The following STK38L variants were observed in gnomAD, a reference collection of about 807,000 sequenced individuals.
STK38L encodes serine/threonine-protein kinase 38-like.
A neutral mutation model predicts 59.7 loss-of-function variants in STK38L; 28 were observed. That is an observed-to-expected ratio of 0.47 (90% CI 0.35 to 0.64). The LOEUF (loss-of-function observed/expected upper bound fraction) is 0.64. Among genes scored for constraint, STK38L ranks in the 30% least tolerant of loss-of-function variants. The pLI is 0.01. For missense variants in STK38L, 314 were observed against 555.8 expected (o/e 0.56, Z 4.37); for synonymous variants, 162 against 176.8 (o/e 0.92, Z 0.66).
chr12:27,289,233 A>G (rs1190762077), intron 1 of STK38L, among the ~76,000 whole-genome samples: 1 of 152,202 alleles, frequency 6.6e-6, no homozygotes, highest in Non-Finnish European at 1.5e-5. Flanking sequence ...AGACAGGGTG[A>G]TAGTTTATCT....
intron 3 of STK38L, among the ~76,000 whole-genome samples, chr12:27,306,665 C>T (rs1046158279): frequency 4.7e-5 from 7 of 150,024 alleles, no homozygotes; most frequent in African/African-American, 1.7e-4. Context: ...AGTAGCTTCC[C>T]TTAAAGAAAG....
chr12:27,258,269 T>C (rs966002063), intron 1 of STK38L, among the ~76,000 whole-genome samples: 1 of 152,256 alleles, frequency 6.6e-6, no homozygotes, highest in South Asian at 2.1e-4. Flanking sequence ...GTTCTCGAAC[T>C]CCTGAGCTTA....
intron 1 of STK38L, among the ~76,000 whole-genome samples, chr12:27,264,907 A>G (rs1157832160): frequency 6.6e-6 from 1 of 152,242 alleles, no homozygotes; most frequent in Non-Finnish European, 1.5e-5. Context: ...CTGTTGGATG[A>G]CAAAAACATA....
chr12:27,256,634 A>G (rs1474044993), intron 1 of STK38L, among the ~76,000 whole-genome samples: 2 of 152,220 alleles, frequency 1.3e-5, no homozygotes, highest in African/African-American at 4.8e-5. Flanking sequence ...GGCATTTACT[A>G]TATGTCAAAA....
chr12:27,248,038 C>T (rs1422672061), intron 1 of STK38L, among the ~76,000 whole-genome samples: 2 of 152,158 alleles, frequency 1.3e-5, no homozygotes, highest in Non-Finnish European at 2.9e-5. Flanking sequence ...TGGTCTCGAA[C>T]TCCTTGGCTC....
intron 6 of STK38L, among the ~76,000 whole-genome samples, chr12:27,313,344 A>G (rs1944504591): frequency 6.6e-6 from 1 of 151,848 alleles, no homozygotes; most frequent in African/African-American, 2.4e-5. Flanking sequence ...AAAGAATGGC[A>G]ATGGAGGGCA....
intron 11 of STK38L, 34 bp from the exon 12 acceptor site, chr12:27,319,294 T>C: frequency 1.4e-6 from 2 of 1,403,994 alleles, no homozygotes; most frequent in Non-Finnish European, 1.0e-6. Context: ...AGATGTAACT[T>C]GTGTATGATA....
chr12:27,272,184 G>C (rs1045715175), intron 1 of STK38L, among the ~76,000 whole-genome samples: 4 of 152,066 alleles, frequency 2.6e-5, no homozygotes, highest in Non-Finnish European at 5.9e-5. Context: ...ATAATACAAC[G>C]AATTAAGGTC....
chr12:27,277,259 G>C (rs1405215263), intron 1 of STK38L, among the ~76,000 whole-genome samples: 2 of 151,992 alleles, frequency 1.3e-5, no homozygotes, highest in Non-Finnish European at 2.9e-5. Flanking sequence ...AAAGTATAAA[G>C]TATAAAGCAC....
chr12:27,311,784 C>T (rs538325279), intron 5 of STK38L, among the ~76,000 whole-genome samples: 3 of 149,118 alleles, frequency 2.0e-5, no homozygotes, highest in African/African-American at 4.9e-5. Context: ...TAAAAAACAC[C>T]AAATAATGAT....
rs558782765 is a variant in STK38L at position 27,315,487 on chromosome 12, G to A, written c.837+137G>A. ...GTAGCGCTTGCTCTGGGATCACACA[G>A]TTTTCTTAGTTTCTCTGTTAAGTTT... On this transcript the variant is annotated intron_variant, in intron 9 of 13. Coordinates refer to ENST00000389032, the MANE Select transcript of STK38L (RefSeq NM_015000.4). 255 of 681,198 alleles carry A rather than the reference G, an allele frequency of 3.7e-4. 2 individuals carry two copies. Among genetic ancestry groups the A allele is most frequent in the Non-Finnish European group, 5.6e-4 (237 of 420,050 alleles). 42.2% of individuals were successfully genotyped at this position (681,198 alleles called of 1,614,324 possible). A position where few individuals can be genotyped will look rare whatever the true frequency, so the allele number is the denominator to read the frequency against.
At chr12:27,244,946 C>A (rs901075507) in intron 1 of STK38L, among the ~76,000 whole-genome samples, 1 of 152,118 alleles carries the variant, frequency 6.6e-6, no homozygotes, top group African/African-American at 2.4e-5. Context: ...CTTTTTTCAC[C>A]TTTAGTATCG....
At chr12:27,250,592 T>C (rs1942950955) in intron 1 of STK38L, among the ~76,000 whole-genome samples, 1 of 152,170 alleles carries the variant, frequency 6.6e-6, no homozygotes, top group Admixed American at 6.5e-5. Context: ...CATTTAATCC[T>C]TATAGCAATC....
chr12:27,278,033 G>T (rs1346447666), intron 1 of STK38L, among the ~76,000 whole-genome samples: 1 of 152,154 alleles, frequency 6.6e-6, no homozygotes, highest in East Asian at 1.9e-4. Flanking sequence ...ATCAGATTCT[G>T]GTTTTGAATA....
At position 27,324,860 on chromosome 12, in the gene STK38L, T is replaced by C. The variant is rs1240449621; in HGVS notation, c.*2405T>C. The C allele has an allele frequency of 3.9e-5, 6 of 152,292 alleles. No homozygotes were observed. The South Asian group carries it at 6.2e-4, about 16-fold the overall frequency. The allele number at this position is 152,292 out of a possible 1,614,324, so 9.4% of individuals were successfully genotyped here. A position where few individuals can be genotyped will look rare whatever the true frequency, so the allele number is the denominator to read the frequency against. ...GAGATTGAATTTTCTCTATTATATA[T>C]TTCCCATATTTCAGGTGAATAATTT... On this transcript the variant is annotated 3_prime_UTR_variant, in exon 14 of 14. Coordinates refer to ENST00000389032, the MANE Select transcript of STK38L (RefSeq NM_015000.4).
At chr12:27,299,680 A>G (rs1426261669) in intron 2 of STK38L, among the ~76,000 whole-genome samples, 1 of 152,162 alleles carries the variant, frequency 6.6e-6, no homozygotes, top group Non-Finnish European at 1.5e-5. Flanking sequence ...GAAAGGGCAT[A>G]GAGATTAGCT....
In STK38L at chr12:27,261,117, G is replaced by A. The variant is rs117344548; in HGVS notation, c.-12+16785G>A. On this transcript the variant is annotated intron_variant, in intron 1 of 13. Transcript: ENST00000389032. ...TTTCCCAGTACTTCCATTTATCATC[G>A]AATTTCTTCCCAGTGGTCACATTCA... Among the ~76,000 whole-genome samples the A allele has an allele frequency of 4.1e-4, 63 of 152,138 alleles. 1 individual carries two copies. In the East Asian group the frequency reaches 0.01, roughly 25 times the overall value.
chr12:27,284,383 G>T (rs1433182072), intron 1 of STK38L, among the ~76,000 whole-genome samples: 3 of 152,304 alleles, frequency 2.0e-5, no homozygotes, highest in African/African-American at 7.2e-5. Flanking sequence ...TAAAATGAGG[G>T]AGATGGACTA....
intron 1 of STK38L, among the ~76,000 whole-genome samples, chr12:27,273,118 A>T (rs1943459691): frequency 6.7e-6 from 1 of 149,638 alleles, no homozygotes; most frequent in African/African-American, 2.5e-5. Flanking sequence ...TGTGTTTGAT[A>T]TTTTTTTCTT....
Sources: gnomAD v4.1 joint callset for allele counts (sites outside exome capture counted in the v4.1 genomes callset) on GRCh38, gnomAD v4.1.1 for gene constraint, MANE v1.5 for transcripts, NCBI Gene and HGNC (gene_info 2026-07-23, HGNC 2026-07-21) for gene names.